The following CNGA1 variants were observed in gnomAD, a reference collection of about 807,000 sequenced individuals.
CNGA1 encodes the protein cyclic nucleotide gated channel subunit alpha 1.
A neutral mutation model predicts 69.7 loss-of-function variants in CNGA1; 53 were observed. That is an observed-to-expected ratio of 0.76 (90% CI 0.61 to 0.96). CNGA1 has a LOEUF of 0.96. CNGA1 is among the 40% of genes least tolerant of loss of function. The pLI is 0.00. For synonymous variants in CNGA1, 249 were observed against 283.5 expected (o/e 0.88, Z 1.22); for missense variants, 739 against 811.2 (o/e 0.91, Z 1.08).
chr4:47,937,933 C>T (rs1359930671), intron 10 of CNGA1, 104 bp from the exon 11 acceptor site: 1 of 813,720 alleles, frequency 1.2e-6, no homozygotes, highest in East Asian at 2.6e-5. Context: ...CAGAAAAATT[C>T]ATTTTCAATA....
chr4:48,010,673 A>T (rs1715114499), intron 2 of CNGA1, 121 bp downstream of exon 2: 1 of 153,436 alleles, frequency 6.5e-6, no homozygotes, highest in Non-Finnish European at 1.4e-5. Flanking sequence ...GAACCCAGTG[A>T]CTAGTGTTCA....
chr4:48,005,271 C>T (rs1203305791), intron 2 of CNGA1, among the ~76,000 whole-genome samples: 1 of 152,068 alleles, frequency 6.6e-6, no homozygotes, highest in Non-Finnish European at 1.5e-5. Flanking sequence ...GCATGTGCCA[C>T]CACGCCTGGC....
chr4:47,963,168 C>G (rs1218244098), intron 3 of CNGA1, among the ~76,000 whole-genome samples: 1 of 152,200 alleles, frequency 6.6e-6, no homozygotes, highest in Non-Finnish European at 1.5e-5. Context: ...TCAGGCTGGT[C>G]TTGAACTCCA....
intron 6 of CNGA1, among the ~76,000 whole-genome samples, chr4:47,946,357 G>C (rs1739397957): frequency 6.6e-6 from 1 of 152,150 alleles, no homozygotes; most frequent in Non-Finnish European, 1.5e-5. Context: ...CTAAGGTTCT[G>C]GGTCAGTCAT....
intron 3 of CNGA1, among the ~76,000 whole-genome samples, chr4:47,953,431 G>C (rs1421584359): frequency 1.3e-5 from 2 of 152,204 alleles, no homozygotes; most frequent in Non-Finnish European, 2.9e-5. Flanking sequence ...TGTAATGGAG[G>C]TAATCTGCTG....
In CNGA1 at chr4:47,936,561, A is replaced by C. The variant is rs762191770; in HGVS notation, c.1921T>G (p.Leu641Val). The C allele has an allele frequency of 6.2e-7, 1 of 1,614,194 alleles. No homozygotes were observed. The highest frequency in any genetic ancestry group is 8.5e-7 in the Non-Finnish European group (1 of 1,180,020). Residue 641 changes from leucine to valine, a missense_variant, in exon 11 of 11, where the codon TTG becomes GTG. Transcript: ENST00000514170. Reference protein sequence around the residue: ...DLLQTRFARILAEYESMQQKL... With the variant: ...DLLQTRFARIVAEYESMQQKL... ...TGCTGCATGGACTCATACTCAGCCA[A>C]GATTCGGGCAAACCTGGTTTGCAGG...
chr4:47,939,030 AAGAG>A (rs1215814171), intron 10 of CNGA1, among the ~76,000 whole-genome samples: 3 of 151,526 alleles, frequency 2.0e-5, no homozygotes, highest in African/African-American at 7.3e-5. Context: ...GAAAGAAAGA[AAGAG>A]AAAGAAAGAA....
intron 6 of CNGA1, among the ~76,000 whole-genome samples, chr4:47,943,991 T>C (rs978972530): frequency 6.6e-5 from 10 of 152,180 alleles, no homozygotes; most frequent in Non-Finnish European, 1.2e-4. Context: ...AGTGCCTCTT[T>C]CTATGATTAG....
chr4:47,962,413 G>T, intron 3 of CNGA1, among the ~76,000 whole-genome samples: 1 of 108,712 alleles, frequency 9.2e-6, no homozygotes. Flanking sequence ...TAAATATATT[G>T]TTGAAAATGA....
chr4:47,971,091 G>C (rs759900726), intron 3 of CNGA1: 1 of 450,996 alleles, frequency 2.2e-6, no homozygotes, highest in Non-Finnish European at 4.4e-6. Context: ...GGCGAAGAGC[G>C]AGACTCCATC....
At chr4:48,003,267 T>C (rs548889183) in intron 2 of CNGA1, among the ~76,000 whole-genome samples, 1 of 152,290 alleles carries the variant, frequency 6.6e-6, no homozygotes, top group South Asian at 2.1e-4. Flanking sequence ...GACAAATAGT[T>C]GCATTATTTT....
intron 2 of CNGA1, among the ~76,000 whole-genome samples, chr4:47,981,795 C>A (rs1254427135): frequency 6.6e-6 from 1 of 152,080 alleles, no homozygotes; most frequent in Non-Finnish European, 1.5e-5. Flanking sequence ...TGTACTATTG[C>A]CTGATGAATT....
chr4:47,992,429 T>C (rs563687611), intron 2 of CNGA1, among the ~76,000 whole-genome samples: 1 of 148,146 alleles, frequency 6.8e-6, no homozygotes, highest in African/African-American at 2.6e-5. Context: ...TTGCAGCTAT[T>C]GTAAAAAAAA....
At chr4:47,957,306 C>A (rs1442444660) in intron 3 of CNGA1, among the ~76,000 whole-genome samples, 1 of 152,034 alleles carries the variant, frequency 6.6e-6, no homozygotes, top group Non-Finnish European at 1.5e-5. Flanking sequence ...ATTCATGGAT[C>A]TTTTACTGAA....
intron 10 of CNGA1, among the ~76,000 whole-genome samples, chr4:47,939,012 A>C (rs1377830161): frequency 6.6e-6 from 1 of 151,120 alleles, no homozygotes; most frequent in Non-Finnish European, 1.5e-5. Context: ...AGAAAGAAAG[A>C]GAAAGAAGAA....
chr4:47,974,970 G>A (rs1741274602), intron 3 of CNGA1, among the ~76,000 whole-genome samples: 1 of 152,114 alleles, frequency 6.6e-6, no homozygotes, highest in African/African-American at 2.4e-5. Flanking sequence ...AAGTCTCGAT[G>A]GGGAGGTAAT....
chr4:47,937,879 G>T (rs1023877126), intron 10 of CNGA1, 50 bp from the exon 11 acceptor site: 3 of 1,352,662 alleles, frequency 2.2e-6, no homozygotes, highest in Admixed American at 3.5e-5. Context: ...TTATGTCATT[G>T]TGAATTTTTG....
intron 6 of CNGA1, 135 bp downstream of exon 6, chr4:47,949,698 A>G (rs1230073241): frequency 3.0e-6 from 2 of 663,452 alleles, no homozygotes; most frequent in Admixed American, 5.7e-5. Flanking sequence ...ACAAAATGAT[A>G]AGACTATCAT....
chr4:47,992,634 CTT>C (rs1742317274), intron 2 of CNGA1, among the ~76,000 whole-genome samples: 2 of 151,346 alleles, frequency 1.3e-5, no homozygotes, highest in Non-Finnish European at 2.9e-5. Context: ...TTGACTTCAT[CTT>C]TACTGATTTG....
Sources: allele counts gnomAD v4.1 joint callset (sites outside exome capture counted in the v4.1 genomes callset), GRCh38; gene constraint gnomAD v4.1.1; transcripts MANE v1.5; gene names NCBI Gene and HGNC (gene_info 2026-07-23, HGNC 2026-07-21).